The following KCND2 variants were observed in gnomAD, a reference collection of about 807,000 sequenced individuals.
KCND2 encodes potassium voltage-gated channel subfamily D member 2.
KCND2 carries 16 observed loss-of-function variants against 54.4 expected under a neutral mutation model. The observed-to-expected ratio is 0.29, with a 90% confidence interval of 0.20 to 0.45. The LOEUF (loss-of-function observed/expected upper bound fraction) is 0.45, where lower values mean the gene tolerates loss of function less well. Among genes scored for constraint, KCND2 ranks in the 20% least tolerant of loss-of-function variants. The probability of loss-of-function intolerance (pLI) is 1.00; values close to 1 mark genes in which losing one functional copy is unlikely to be tolerated. For synonymous variants in KCND2, 317 were observed against 310.7 expected (o/e 1.02, Z -0.21); for missense variants, 486 against 824.2 (o/e 0.59, Z 5.02).
intron 1 of KCND2, among the ~76,000 whole-genome samples, chr7:120,417,615 A>T (rs551465805): frequency 4.7e-4 from 72 of 152,368 alleles, no homozygotes; most frequent in African/African-American, 1.5e-3. Flanking sequence ...GTAAGCAAGT[A>T]TAAATTTTTT....
At chr7:120,626,566 G>A (rs1359652724) in intron 1 of KCND2, among the ~76,000 whole-genome samples, 2 of 152,060 alleles carry the variant, frequency 1.3e-5, no homozygotes, top group African/African-American at 4.8e-5. Flanking sequence ...TCCAACAATA[G>A]CAAAGAAAAA....
intron 1 of KCND2, among the ~76,000 whole-genome samples, chr7:120,696,714 C>T (rs1306473335): frequency 6.6e-6 from 1 of 152,198 alleles, no homozygotes; most frequent in Non-Finnish European, 1.5e-5. Context: ...TCAGCCACCA[C>T]TTGCTCTCTT....
At chr7:120,550,511 C>T (rs1425058365) in intron 1 of KCND2, among the ~76,000 whole-genome samples, 1 of 152,094 alleles carries the variant, frequency 6.6e-6, no homozygotes, top group Non-Finnish European at 1.5e-5. Context: ...GGCCAAATAT[C>T]ATTGCAGGCT....
At chr7:120,368,677 T>A (rs937398372) in intron 1 of KCND2, among the ~76,000 whole-genome samples, 2 of 152,132 alleles carry the variant, frequency 1.3e-5, no homozygotes, top group Non-Finnish European at 2.9e-5. Context: ...TTCTCCTTTA[T>A]CATTTTCAGT....
intron 1 of KCND2, among the ~76,000 whole-genome samples, chr7:120,345,542 C>T (rs1293461779): frequency 1.3e-5 from 2 of 152,100 alleles, no homozygotes; most frequent in African/African-American, 2.4e-5. Flanking sequence ...AACAGCATCC[C>T]GTTTCCTCCT....
intron 1 of KCND2, among the ~76,000 whole-genome samples, chr7:120,320,370 G>A (rs1799877495): frequency 1.3e-5 from 2 of 152,124 alleles, no homozygotes; most frequent in African/African-American, 2.4e-5. Flanking sequence ...ATTGGAATGG[G>A]CACCCAGGGA....
At chr7:120,601,844 A>C (rs190307658) in intron 1 of KCND2, among the ~76,000 whole-genome samples, 17 of 152,284 alleles carry the variant, frequency 1.1e-4, no homozygotes, top group Admixed American at 1.1e-3. Context: ...TATCCCTTAG[A>C]ATATATAACC....
intron 1 of KCND2, among the ~76,000 whole-genome samples, chr7:120,444,040 C>T (rs1377800779): frequency 6.6e-6 from 1 of 152,088 alleles, no homozygotes; most frequent in Non-Finnish European, 1.5e-5. Context: ...CACTCCCTCA[C>T]ATCTTCATAC....
At chr7:120,294,707 A>T (rs1358217582) in intron 1 of KCND2, among the ~76,000 whole-genome samples, 3 of 151,890 alleles carry the variant, frequency 2.0e-5, no homozygotes, top group Non-Finnish European at 4.4e-5. Context: ...AAAAATCATT[A>T]ATGTGACATA....
rs556850827 is a variant in KCND2, at chr7:120,542,936, G to A, written c.1116-189967G>A. 7.2e-5 allele frequency among the ~76,000 whole-genome samples: 11 copies of A among 152,138 alleles called. No homozygotes were observed. The South Asian group carries it at 2.3e-3, about 32-fold the overall frequency. ...ATTATTCTTGTTAACTGGATCATTTGACCCAACTTACTCTTACGGAAAGTC... is the reference window on the plus strand; with the variant it reads ...ATTATTCTTGTTAACTGGATCATTTAACCCAACTTACTCTTACGGAAAGTC... On this transcript the variant is annotated intron_variant, in intron 1 of 5. Transcript: ENST00000331113.
At chr7:120,329,656 A>AT (rs1191957626) in intron 1 of KCND2, among the ~76,000 whole-genome samples, 2 of 152,034 alleles carry the variant, frequency 1.3e-5, no homozygotes, top group African/African-American at 2.4e-5. Flanking sequence ...CTTCCTCAAG[A>AT]TTTTTTTGAC....
chr7:120,490,686 T>G (rs1802766792), intron 1 of KCND2, among the ~76,000 whole-genome samples: 1 of 152,102 alleles, frequency 6.6e-6, no homozygotes, highest in Non-Finnish European at 1.5e-5. Flanking sequence ...CATACCTGTG[T>G]GGCTCTAGTC....
chr7:120,304,104 G>A lies in KCND2; in HGVS notation c.1115+28357G>A, dbSNP rs533316117. 3.9e-5 allele frequency among the ~76,000 whole-genome samples: 6 copies of A among 152,194 alleles called. No homozygotes were observed. The South Asian group carries it at 1.2e-3, about 32-fold the overall frequency. On this transcript the variant is annotated intron_variant, in intron 1 of 5. Coordinates refer to ENST00000331113, the MANE Select transcript of KCND2 (RefSeq NM_012281.3). Reference sequence around the variant, plus strand: ...ACGAGAATGCCTGTTAGTATGGTAGGATAAGATCTTCAGGGCCAATCTGTC... The same window carrying A: ...ACGAGAATGCCTGTTAGTATGGTAGAATAAGATCTTCAGGGCCAATCTGTC...
At chr7:120,280,974 T>TG (rs1348355165) in intron 1 of KCND2, among the ~76,000 whole-genome samples, 1 of 152,100 alleles carries the variant, frequency 6.6e-6, no homozygotes, top group East Asian at 1.9e-4. Flanking sequence ...CAAACAGCAC[T>TG]GGGGTTTATC....
rs1334316617 is a variant in KCND2 at position 120,337,524 on chromosome 7, T to G, written c.1115+61777T>G. 2.0e-5 allele frequency among the ~76,000 whole-genome samples: 3 copies of G among 152,182 alleles called. No homozygotes were observed. In the East Asian group the frequency reaches 5.8e-4, roughly 29 times the overall value. On this transcript the variant is annotated intron_variant, in intron 1 of 5. Transcript: ENST00000331113. ...TTAATGAGTAGGTATTTTTAAGACT[T>G]TCACTTCTATTTCTCCATTATCAAA...
At chr7:120,701,650 A>G (rs1033856186) in intron 1 of KCND2, among the ~76,000 whole-genome samples, 25 of 152,166 alleles carry the variant, frequency 1.6e-4, no homozygotes, top group African/African-American at 6.0e-4. Flanking sequence ...ATAAAGCCAC[A>G]CACCTACAAC....
At chr7:120,536,046 A>G (rs906381280) in intron 1 of KCND2, among the ~76,000 whole-genome samples, 1 of 152,154 alleles carries the variant, frequency 6.6e-6, no homozygotes, top group African/African-American at 2.4e-5. Flanking sequence ...TTTTTGAAGT[A>G]GATAATAATA....
chr7:120,332,815 C>T (rs1800087175), intron 1 of KCND2, among the ~76,000 whole-genome samples: 1 of 152,050 alleles, frequency 6.6e-6, no homozygotes, highest in Non-Finnish European at 1.5e-5. Flanking sequence ...TTTGCTTATA[C>T]AGCCCAGAGA....
chr7:120,432,576 A>G (rs1801809117), intron 1 of KCND2, among the ~76,000 whole-genome samples: 1 of 152,246 alleles, frequency 6.6e-6, no homozygotes, highest in South Asian at 2.1e-4. Flanking sequence ...AAATGAAAAC[A>G]TAGCTTTTTG....
Sources: gnomAD v4.1 joint callset for allele counts (sites outside exome capture counted in the v4.1 genomes callset) on GRCh38, gnomAD v4.1.1 for gene constraint, MANE v1.5 for transcripts, NCBI Gene and HGNC (gene_info 2026-07-23, HGNC 2026-07-21) for gene names.